Variants in BARD1 observed in about 807,000 individuals in gnomAD.
BARD1 encodes the protein BRCA1 associated RING domain 1, also known as BRCA1-associated RING domain protein 1.
A neutral mutation model predicts 77.0 loss-of-function variants in BARD1; 73 were observed. The observed-to-expected ratio is 0.95, with a 90% CI of 0.79 to 1.15. The LOEUF (loss-of-function observed/expected upper bound fraction) is 1.15, where lower values mean the gene tolerates loss of function less well. BARD1 is among the 50% of genes most tolerant of loss of function. The probability of loss-of-function intolerance (pLI) is 0.00; values close to 1 mark genes in which losing one functional copy is unlikely to be tolerated. For missense variants in BARD1, 993 were observed against 938.8 expected (o/e 1.06, Z -0.75); for synonymous variants, 384 against 338.0 (o/e 1.14, Z -1.49).
intron 6 of BARD1, among the ~76,000 whole-genome samples, chr2:214,760,886 T>C (rs1021490359): frequency 6.6e-6 from 1 of 151,414 alleles, no homozygotes; most frequent in East Asian, 2.0e-4. Context: ...ACCATTCTCC[T>C]GCCTCAGCCT....
At chr2:214,794,730 C>T (rs34358404) in intron 2 of BARD1, among the ~76,000 whole-genome samples, 31,591 of 152,006 alleles carry the variant, frequency 0.21, 3,347 homozygotes, top group South Asian at 0.23. Flanking sequence ...GATGAATTAC[C>T]TTTATCAGTT....
intron 4 of BARD1, 82 bp downstream of exon 4, chr2:214,780,478 T>G: frequency 8.5e-7 from 1 of 1,173,894 alleles, no homozygotes; most frequent in Non-Finnish European, 1.3e-6. Flanking sequence ...CTAGTAATCC[T>G]ATGCCATTTT....
chr2:214,779,405 T>A (rs1694877512), intron 4 of BARD1, among the ~76,000 whole-genome samples: 2 of 152,122 alleles, frequency 1.3e-5, no homozygotes, highest in Admixed American at 6.5e-5. Context: ...TGCATTTTTT[T>A]ATTGCGTATT....
intron 3 of BARD1, among the ~76,000 whole-genome samples, chr2:214,786,639 A>G (rs1022763700): frequency 2.0e-5 from 3 of 152,016 alleles, no homozygotes; most frequent in Non-Finnish European, 4.4e-5. Flanking sequence ...CTCTAGCAAA[A>G]GAGTAAAGAT....
intron 1 of BARD1, among the ~76,000 whole-genome samples, chr2:214,797,568 G>C (rs1438832118): frequency 6.6e-6 from 1 of 152,110 alleles, no homozygotes; most frequent in Non-Finnish European, 1.5e-5. Context: ...AGAGTGAAGA[G>C]GAGTGATAAT....
In BARD1 at chr2:214,781,110, T is replaced by G. The variant is rs138904906; in HGVS notation, c.764A>C (p.Asn255Thr). 6.3e-7 allele frequency: 1 copy of G among 1,582,028 alleles called. No homozygotes were observed. The highest frequency in any genetic ancestry group is 8.6e-7 in the Non-Finnish European group (1 of 1,166,812). ...ACTTGCTAGTAAGTCTATTTCACCA[T>G]TTATCTGAGGACTGGAGATAACAGA... ...QPSVISSPQI[N>T]GEIDLLASGS... The change falls in exon 4 of 11, where the codon AAT becomes ACT. Residue 255 changes from asparagine to threonine, a missense_variant. Transcript: ENST00000260947.
intron 4 of BARD1, among the ~76,000 whole-genome samples, chr2:214,778,416 A>G (rs1274397840): frequency 1.3e-5 from 2 of 152,168 alleles, no homozygotes; most frequent in African/African-American, 4.8e-5. Context: ...ACTGGTGACA[A>G]TAATTGCATT....
Position 214,781,496 on chromosome 2 carries a change from A to G in BARD1, c.378T>C (p.Asp126=), listed in dbSNP as rs1435093585. ...HDNELSDLKE[D]KPRKSLFNDA... ...CATTAAACAAACTTTTCCTAGGTTT[A>G]TCTTCTTTCAAATCTGACAGAAAAA... Residue 126 remains aspartate (D), a synonymous_variant, in exon 4 of 11, where the codon GAT becomes GAC. Transcript: ENST00000260947. 1 of 1,610,668 alleles carries G rather than the reference A, an allele frequency of 6.2e-7. No homozygotes were observed. The highest frequency in any genetic ancestry group is 8.5e-7 in the Non-Finnish European group (1 of 1,178,522).
intron 3 of BARD1, among the ~76,000 whole-genome samples, chr2:214,789,504 C>A (rs1695421014): frequency 6.6e-6 from 1 of 151,876 alleles, no homozygotes; most frequent in African/African-American, 2.4e-5. Flanking sequence ...ATGATGGCCC[C>A]AATGCACTCC....
chr2:214,740,700 T>G (rs190146480), intron 9 of BARD1, among the ~76,000 whole-genome samples: 2 of 152,236 alleles, frequency 1.3e-5, no homozygotes, highest in African/African-American at 2.4e-5. Context: ...ATCTTTCATA[T>G]GTAGGTTATA....
At chr2:214,779,063 A>G (rs1225060947) in intron 4 of BARD1, among the ~76,000 whole-genome samples, 10 of 152,194 alleles carry the variant, frequency 6.6e-5, no homozygotes, top group Non-Finnish European at 1.5e-4. Flanking sequence ...AAAAATGTCT[A>G]ATTTTGTTAA....
intron 1 of BARD1, 138 bp from the exon 2 acceptor site, chr2:214,797,255 G>GA: frequency 1.3e-6 from 1 of 764,812 alleles, no homozygotes. Flanking sequence ...GCATTCATTT[G>GA]AAAGGCTGTT....
intron 9 of BARD1, among the ~76,000 whole-genome samples, chr2:214,736,640 G>A (rs1364129361): frequency 6.6e-6 from 1 of 152,026 alleles, no homozygotes; most frequent in Non-Finnish European, 1.5e-5. Flanking sequence ...TATTCCTCCT[G>A]AAAACATGCT....
At chr2:214,777,245 G>A (rs1035366471) in intron 4 of BARD1, among the ~76,000 whole-genome samples, 2 of 152,206 alleles carry the variant, frequency 1.3e-5, no homozygotes, top group African/African-American at 4.8e-5. Context: ...GGCAAGAAAA[G>A]AGAAGTAGCT....
rs528255964 is a variant in BARD1 at position 214,729,452 on chromosome 2, G to C, written c.2002-444C>G. On this transcript the variant is annotated intron_variant, in intron 10 of 10. Transcript: ENST00000260947. ...AATGCTCCATCTGTAACAATTATGA[G>C]CAGCTAAGAAGCTACTTAATGAGGT... Among the ~76,000 whole-genome samples the C allele has an allele frequency of 1.5e-3, 226 of 152,218 alleles. 1 individual carries two copies. The highest frequency in any genetic ancestry group is 0.014 in the Middle Eastern group (4 of 294).
At chr2:214,737,306 G>C (rs748656617) in intron 9 of BARD1, among the ~76,000 whole-genome samples, 4 of 152,058 alleles carry the variant, frequency 2.6e-5, no homozygotes, top group African/African-American at 4.8e-5. Context: ...TGAAACTTTT[G>C]ATGCTTTGTC....
At chr2:214,754,227 C>A (rs1693591445) in intron 6 of BARD1, among the ~76,000 whole-genome samples, 1 of 150,194 alleles carries the variant, frequency 6.7e-6, no homozygotes, top group South Asian at 2.1e-4. Context: ...ATAAACAAAA[C>A]AACAACAACA....
chr2:214,800,084 G>A (rs1021402115), intron 1 of BARD1, among the ~76,000 whole-genome samples: 37 of 152,186 alleles, frequency 2.4e-4, no homozygotes, highest in African/African-American at 8.7e-4. Context: ...GGCAATACTT[G>A]ACTCAACGCC....
At chr2:214,783,937 A>G (rs962765629) in intron 3 of BARD1, among the ~76,000 whole-genome samples, 1 of 152,232 alleles carries the variant, frequency 6.6e-6, no homozygotes, top group Non-Finnish European at 1.5e-5. Context: ...TCTAGGCAAT[A>G]CCATTCAGGA....
Sources: gnomAD v4.1 joint callset for allele counts (sites outside exome capture counted in the v4.1 genomes callset) on GRCh38, gnomAD v4.1.1 for gene constraint, MANE v1.5 for transcripts, NCBI Gene and HGNC (gene_info 2026-07-23, HGNC 2026-07-21) for gene names.